FHIT: variants seen among roughly 807,000 people sequenced by gnomAD.
The protein encoded by FHIT is bis(5'-adenosyl)-triphosphatase.
A neutral mutation model predicts 17.9 loss-of-function variants in FHIT; 19 were observed. The observed-to-expected ratio is 1.06, with a 90% CI of 0.74 to 1.56. The LOEUF is 1.56. FHIT is among the 40% of genes most tolerant of loss of function. The probability of loss-of-function intolerance (pLI) is 0.00; values close to 1 mark genes in which losing one functional copy is unlikely to be tolerated. For synonymous variants in FHIT, 81 were observed against 69.7 expected, an observed-to-expected ratio of 1.16 and a Z score of -0.81; for missense variants, 248 against 189.2, an observed-to-expected ratio of 1.31 and a Z score of -1.82.
At chr3:60,363,659 G>A (rs925976361) in intron 5 of FHIT, among the ~76,000 whole-genome samples, 12 of 151,994 alleles carry the variant, frequency 7.9e-5, no homozygotes, top group African/African-American at 1.5e-4. Flanking sequence ...AAGCCTCTGC[G>A]CTGTGTATCT....
At chr3:60,916,432 T>C (rs1462838447) in intron 3 of FHIT, among the ~76,000 whole-genome samples, 11 of 152,204 alleles carry the variant, frequency 7.2e-5, no homozygotes, top group Admixed American at 7.2e-4. Context: ...AAGTTCATCA[T>C]TTTTCTGCCA....
At chr3:60,847,073 C>T (rs1481846071) in intron 3 of FHIT, among the ~76,000 whole-genome samples, 2 of 152,296 alleles carry the variant, frequency 1.3e-5, no homozygotes, top group East Asian at 3.9e-4. Flanking sequence ...ATCCACCCAC[C>T]TTGGCCTCCC....
chr3:59,867,552 C>G (rs1213730380), intron 8 of FHIT, among the ~76,000 whole-genome samples: 1 of 152,030 alleles, frequency 6.6e-6, no homozygotes, highest in Non-Finnish European at 1.5e-5. Flanking sequence ...TGCATTTATG[C>G]ATTTTGCTTT....
chr3:61,141,253 T>A (rs1327938676), intron 2 of FHIT, among the ~76,000 whole-genome samples: 1 of 152,138 alleles, frequency 6.6e-6, no homozygotes, highest in Non-Finnish European at 1.5e-5. Flanking sequence ...GTCTGCTTGC[T>A]CACAGGGAAA....
intron 1 of FHIT, among the ~76,000 whole-genome samples, chr3:61,246,588 C>T (rs2365492): frequency 0.095 from 14,471 of 152,044 alleles, 740 homozygotes; most frequent in Admixed American, 0.11. Context: ...AGCAAACTAA[C>T]ACAGGAACAG....
intron 5 of FHIT, among the ~76,000 whole-genome samples, chr3:60,241,833 G>A (rs1705144157): frequency 1.3e-5 from 2 of 152,112 alleles, no homozygotes; most frequent in African/African-American, 4.8e-5. Flanking sequence ...AGAGGAAGAA[G>A]TGGAGCTTAC....
chr3:60,878,911 C>G (rs1414008607), intron 3 of FHIT, among the ~76,000 whole-genome samples: 2 of 152,126 alleles, frequency 1.3e-5, no homozygotes, highest in African/African-American at 4.8e-5. Flanking sequence ...TGGGTTGGTT[C>G]CAAGTCTTTG....
intron 5 of FHIT, among the ~76,000 whole-genome samples, chr3:60,459,100 A>C (rs1399802691): frequency 6.6e-6 from 1 of 152,132 alleles, no homozygotes; most frequent in Non-Finnish European, 1.5e-5. Context: ...TCGTTGGTGG[A>C]AAGAAAAGCA....
At chr3:60,328,753 G>T in intron 5 of FHIT, among the ~76,000 whole-genome samples, 1 of 152,158 alleles carries the variant, frequency 6.6e-6, no homozygotes, top group East Asian at 1.9e-4. Flanking sequence ...TGTATACAAT[G>T]AGCTGTTCCA....
intron 4 of FHIT, among the ~76,000 whole-genome samples, chr3:60,739,994 A>G (rs1172469207): frequency 1.3e-5 from 2 of 152,250 alleles, no homozygotes; most frequent in African/African-American, 4.8e-5. Flanking sequence ...TCAGGTAACC[A>G]TCTTTCCAAT....
intron 3 of FHIT, among the ~76,000 whole-genome samples, chr3:61,000,199 G>C (rs2030972833): frequency 1.3e-5 from 2 of 152,298 alleles, no homozygotes; most frequent in African/African-American, 4.8e-5. Context: ...ATGCCTTTGG[G>C]AGAGGGTTGT....
intron 2 of FHIT, among the ~76,000 whole-genome samples, chr3:61,110,528 T>C (rs2036127185): frequency 6.6e-6 from 1 of 152,142 alleles, no homozygotes; most frequent in Admixed American, 6.6e-5. Context: ...CTTTCCTCCC[T>C]CCATTCCTTT....
intron 8 of FHIT, among the ~76,000 whole-genome samples, chr3:59,803,174 CCACT>C (rs1226604918): frequency 6.6e-6 from 1 of 152,146 alleles, no homozygotes; most frequent in African/African-American, 2.4e-5. Flanking sequence ...TCCTTCCCTC[CCACT>C]CACTCAATTA....
intron 7 of FHIT, among the ~76,000 whole-genome samples, chr3:59,969,448 G>A (rs1283257066): frequency 6.6e-6 from 1 of 152,044 alleles, no homozygotes; most frequent in Non-Finnish European, 1.5e-5. Flanking sequence ...AAATGCTAAT[G>A]TTTCATTAAT....
At chr3:59,933,919 T>C (rs1290202913) in intron 7 of FHIT, among the ~76,000 whole-genome samples, 2 of 152,166 alleles carry the variant, frequency 1.3e-5, no homozygotes, top group Non-Finnish European at 2.9e-5. Context: ...CTAACTCTTA[T>C]CTATCAATAC....
chr3:60,183,413 T>C (rs1441503946), intron 5 of FHIT, among the ~76,000 whole-genome samples: 3 of 151,882 alleles, frequency 2.0e-5, no homozygotes, highest in African/African-American at 7.3e-5. Context: ...AAGAAACAAA[T>C]AAACAAACAA....
intron 5 of FHIT, among the ~76,000 whole-genome samples, chr3:60,177,037 T>C (rs1995067): frequency 0.19 from 28,452 of 151,860 alleles, 3,386 homozygotes; most frequent in East Asian, 0.33. Context: ...AAAATGCTCA[T>C]AGGGAGACTG....
intron 5 of FHIT, among the ~76,000 whole-genome samples, chr3:60,357,726 T>C (rs537734297): frequency 1.3e-5 from 2 of 152,356 alleles, no homozygotes; most frequent in East Asian, 1.9e-4. Flanking sequence ...TACTTTCATA[T>C]TGATACACAT....
intron 1 of FHIT, among the ~76,000 whole-genome samples, chr3:61,237,685 G>C (rs1040612355): frequency 2.0e-5 from 3 of 152,174 alleles, no homozygotes; most frequent in African/African-American, 7.2e-5. Flanking sequence ...GTATGTATCA[G>C]GCACTGTGTA....
Sources: gnomAD v4.1 joint callset for allele counts (sites outside exome capture counted in the v4.1 genomes callset) on GRCh38, gnomAD v4.1.1 for gene constraint, MANE v1.5 for transcripts, NCBI Gene and HGNC (gene_info 2026-07-23, HGNC 2026-07-21) for gene names.